TOPAZ1: variants seen among roughly 807,000 people sequenced by gnomAD.
TOPAZ1 encodes the protein testis and ovary specific TOPAZ 1, also known as protein TOPAZ1.
In TOPAZ1, 66 loss-of-function variants were observed where a neutral mutation model predicts 172.2. That is an observed-to-expected ratio of 0.38 (90% CI 0.31 to 0.47). The LOEUF (loss-of-function observed/expected upper bound fraction) is 0.47, where lower values mean the gene tolerates loss of function less well. Among genes scored for constraint, TOPAZ1 ranks in the 20% least tolerant of loss-of-function variants. TOPAZ1 has a pLI of 0.99. For missense variants in TOPAZ1, 1,822 were observed against 1,972.4 expected (o/e 0.92, Z 1.44); for synonymous variants, 681 against 683.9 (o/e 1.00, Z 0.07).
At chr3:44,268,317 T>C (rs1275755876) in intron 6 of TOPAZ1, among the ~76,000 whole-genome samples, 1 of 150,950 alleles carries the variant, frequency 6.6e-6, no homozygotes, top group African/African-American at 2.4e-5. Flanking sequence ...CTCACATAAC[T>C]TTTCCTTGGT....
chr3:44,269,471 CTTTTTTTTTTTTT>C (rs71085612), intron 7 of TOPAZ1, among the ~76,000 whole-genome samples, 170 bp downstream of exon 7: 27 of 33,934 alleles, frequency 8.0e-4, no homozygotes, highest in African/African-American at 1.1e-3. Flanking sequence ...TCCCTATCAT[CTTTTTTTTTTTTT>C]TTTTTTTTTT....
At chr3:44,330,231 A>G (rs1700652346) in intron 19 of TOPAZ1, among the ~76,000 whole-genome samples, 1 of 152,050 alleles carries the variant, frequency 6.6e-6, no homozygotes, top group Non-Finnish European at 1.5e-5. Flanking sequence ...ACTATGGTGG[A>G]TAAGGCATCT....
intron 16 of TOPAZ1, among the ~76,000 whole-genome samples, chr3:44,318,990 C>A (rs971091236): frequency 6.6e-6 from 1 of 151,908 alleles, no homozygotes; most frequent in African/African-American, 2.4e-5. Flanking sequence ...GGGAGCAGTT[C>A]CCCTCCATGC....
At chr3:44,317,610 G>A (rs922131463) in intron 16 of TOPAZ1, among the ~76,000 whole-genome samples, 2 of 152,180 alleles carry the variant, frequency 1.3e-5, no homozygotes, top group Non-Finnish European at 2.9e-5. Context: ...AGTAATGACT[G>A]AATGTGCATA....
intron 6 of TOPAZ1, among the ~76,000 whole-genome samples, chr3:44,269,000 A>C (rs545311932): frequency 8.5e-5 from 13 of 152,288 alleles, no homozygotes; most frequent in African/African-American, 3.1e-4. Context: ...AGTGAGTTTA[A>C]AATTTTAAAT....
intron 8 of TOPAZ1, among the ~76,000 whole-genome samples, chr3:44,280,047 T>C (rs1700005651): frequency 6.6e-6 from 1 of 152,126 alleles, no homozygotes; most frequent in Non-Finnish European, 1.5e-5. Flanking sequence ...GTATTTCTTG[T>C]AGGGCTGGTG....
intron 9 of TOPAZ1, among the ~76,000 whole-genome samples, chr3:44,283,500 A>ACCATTTGGT (rs1700044380): frequency 6.6e-6 from 1 of 152,246 alleles, no homozygotes; most frequent in Non-Finnish European, 1.5e-5. Context: ...AAGAGGAAGA[A>ACCATTTGGT]GCTGAGTCAG....
chr3:44,244,666 T>C lies in TOPAZ1; in HGVS notation c.2160T>C (p.Asn720=), dbSNP rs1213134857. 1 of 1,551,178 alleles carries C rather than the reference T, an allele frequency of 6.4e-7. No homozygotes were observed. Among genetic ancestry groups the C allele is most frequent in the African/African-American group, 1.4e-5 (1 of 73,002 alleles). Residue 720 remains asparagine, a synonymous_variant, in exon 2 of 20, where the codon AAT becomes AAC. Transcript: ENST00000309765. ...EAYSPLELLD[N]LSGADVRQNR... ...ACAGTCCTCTAGAACTTCTGGACAA[T>C]TTATCTGGAGCAGACGTAAGACAGA...
intron 4 of TOPAZ1, among the ~76,000 whole-genome samples, chr3:44,259,217 A>T (rs548886510): frequency 1.3e-5 from 2 of 152,254 alleles, no homozygotes; most frequent in Admixed American, 1.3e-4. Context: ...ACCCAGTGGC[A>T]TTCCATCTTT....
chr3:44,286,239 A>G (rs907004390), intron 9 of TOPAZ1, among the ~76,000 whole-genome samples: 1 of 152,086 alleles, frequency 6.6e-6, no homozygotes, highest in Non-Finnish European at 1.5e-5. Context: ...CTTAATGACA[A>G]AAAGGAGAAA....
downstream of TOPAZ1, among the ~76,000 whole-genome samples, chr3:44,335,934 TACC>T (rs1339454008): frequency 1.3e-5 from 2 of 152,242 alleles, no homozygotes; most frequent in Non-Finnish European, 2.9e-5. Context: ...GTTGTTTAGT[TACC>T]ACAATTGTCA....
chr3:44,308,960 C>A (rs1559545255), intron 15 of TOPAZ1, among the ~76,000 whole-genome samples: 2 of 152,130 alleles, frequency 1.3e-5, no homozygotes, highest in Non-Finnish European at 2.9e-5. Context: ...CACTAAGGCC[C>A]ATGGTCCAGA....
rs1421745401 is a variant in TOPAZ1 at position 44,243,457 on chromosome 3, T to C, written c.951T>C (p.Asn317=). 6.4e-7 allele frequency: 1 copy of C among 1,551,274 alleles called. No individual in the cohort carries two copies. The highest frequency in any genetic ancestry group is 8.7e-7 in the Non-Finnish European group (1 of 1,146,914). Residue 317 remains asparagine, a synonymous_variant, in exon 2 of 20, where the codon AAT becomes AAC. Transcript: ENST00000309765. ...GLLSCLQHEK[N]KYSIEESSVG... ...TTTCCTGCCTTCAACATGAAAAAAATAAATATTCAATAGAGGAGAGCAGTG... is the reference window on the plus strand; with the variant it reads ...TTTCCTGCCTTCAACATGAAAAAAACAAATATTCAATAGAGGAGAGCAGTG...
At chr3:44,319,132 C>T (rs1700482991) in intron 16 of TOPAZ1, among the ~76,000 whole-genome samples, 1 of 152,050 alleles carries the variant, frequency 6.6e-6, no homozygotes, top group African/African-American at 2.4e-5. Flanking sequence ...GCAAAGGAAC[C>T]AAGGCAAGGC....
intron 5 of TOPAZ1, among the ~76,000 whole-genome samples, chr3:44,262,778 G>A (rs1699789153): frequency 2.0e-5 from 3 of 152,184 alleles, no homozygotes; most frequent in Non-Finnish European, 4.4e-5. Context: ...ATGAGTGGCT[G>A]AAATCAGATT....
chr3:44,280,646 C>T (rs886185415), intron 8 of TOPAZ1, among the ~76,000 whole-genome samples: 6 of 152,174 alleles, frequency 3.9e-5, no homozygotes, highest in Admixed American at 2.6e-4. Flanking sequence ...CCAGCCTGTT[C>T]TTCTTTTTCA....
At chr3:44,313,264 A>G (rs1700414719) in intron 16 of TOPAZ1, among the ~76,000 whole-genome samples, 2 of 152,136 alleles carry the variant, frequency 1.3e-5, no homozygotes, top group Non-Finnish European at 2.9e-5. Flanking sequence ...TTTTTGGCAA[A>G]TATCAACAAA....
At chr3:44,327,742 T>TTTTTTG (rs1187179195) in intron 18 of TOPAZ1, among the ~76,000 whole-genome samples, 7 of 152,088 alleles carry the variant, frequency 4.6e-5, no homozygotes, top group South Asian at 2.1e-4. Context: ...GTTTCTCACT[T>TTTTTTG]TTTTTGTTTT....
intron 16 of TOPAZ1, among the ~76,000 whole-genome samples, chr3:44,312,469 T>C (rs1277075892): frequency 2.0e-5 from 3 of 152,216 alleles, no homozygotes; most frequent in Non-Finnish European, 4.4e-5. Context: ...AATATGCTTT[T>C]ATTACCTACT....
Sources: gnomAD v4.1 joint callset for allele counts (sites outside exome capture counted in the v4.1 genomes callset) on GRCh38, gnomAD v4.1.1 for gene constraint, MANE v1.5 for transcripts, NCBI Gene and HGNC (gene_info 2026-07-23, HGNC 2026-07-21) for gene names.